ARPC2: variants seen among roughly 807,000 people sequenced by gnomAD.
ARPC2 encodes the protein actin-related protein 2/3 complex subunit 2.
ARPC2 carries 4 observed loss-of-function variants against 38.6 expected under a neutral mutation model. That is an observed-to-expected ratio of 0.10 (90% CI 0.05 to 0.24). The LOEUF is 0.24. Among genes scored for constraint, ARPC2 ranks in the 10% least tolerant of loss-of-function variants. The probability of loss-of-function intolerance (pLI) is 1.00; values close to 1 mark genes in which losing one functional copy is unlikely to be tolerated. For synonymous variants in ARPC2, 125 were observed against 140.8 expected, an observed-to-expected ratio of 0.89 and a Z score of 0.79; for missense variants, 229 against 387.3, an observed-to-expected ratio of 0.59 and a Z score of 3.43.
At chr2:218,217,828 G>A (rs748581213) in intron 2 of ARPC2, among the ~76,000 whole-genome samples, 3 of 152,210 alleles carry the variant, frequency 2.0e-5, no homozygotes, top group Admixed American at 6.5e-5. Flanking sequence ...CCCTGGAGCC[G>A]GAACTCGCTC....
intron 7 of ARPC2, among the ~76,000 whole-genome samples, chr2:218,241,637 C>T (rs986450200): frequency 2.0e-5 from 3 of 152,222 alleles, no homozygotes; most frequent in African/African-American, 4.8e-5. Context: ...TTAAACAGAT[C>T]TTATCTTGGA....
At chr2:218,233,499 G>C (rs1689691259) in intron 4 of ARPC2, 1 of 151,936 alleles carries the variant, frequency 6.6e-6, no homozygotes, top group South Asian at 2.1e-4. Flanking sequence ...GCCAGCAGTA[G>C]GTTCTGGTTT....
chr2:218,231,147 T>G (rs939296446), intron 4 of ARPC2, among the ~76,000 whole-genome samples: 1 of 152,110 alleles, frequency 6.6e-6, no homozygotes, highest in Admixed American at 6.5e-5. Flanking sequence ...ACAGGCCATT[T>G]TTAAAGGTGG....
chr2:218,232,769 G>A (rs557418721), intron 4 of ARPC2, among the ~76,000 whole-genome samples: 5 of 151,930 alleles, frequency 3.3e-5, no homozygotes, highest in African/African-American at 1.2e-4. Flanking sequence ...GTAGACATGG[G>A]GTTTCACTGT....
chr2:218,232,692 C>CAGTA (rs1689667008), intron 4 of ARPC2, among the ~76,000 whole-genome samples: 1 of 151,906 alleles, frequency 6.6e-6, no homozygotes, highest in African/African-American at 2.4e-5. Flanking sequence ...GCCTCAGCCT[C>CAGTA]CCAAGTAGCT....
Position 218,250,701 on chromosome 2 carries a change from G to A in ARPC2, c.878+780G>A, listed in dbSNP as rs376580936. Among the ~76,000 whole-genome samples, 17 of 151,792 alleles carry A rather than the reference G, an allele frequency of 1.1e-4. No homozygotes were observed. In the East Asian group the frequency reaches 2.7e-3, roughly 24 times the overall value. On this transcript the variant is annotated intron_variant, in intron 10 of 10. Coordinates refer to ENST00000315717, the MANE Select transcript of ARPC2 (RefSeq NM_152862.3). ...AAAAATTTGAGGAGAGCCCTAAATA[G>A]GGGTGTGGCTCTGCATGCAGGAAAG...
At chr2:218,223,410 A>G (rs1175284438) in intron 2 of ARPC2, among the ~76,000 whole-genome samples, 7 of 152,086 alleles carry the variant, frequency 4.6e-5, no homozygotes, top group Non-Finnish European at 1.5e-5. Context: ...GCTCCAAAGT[A>G]CAGGAGTAAT....
intron 7 of ARPC2, among the ~76,000 whole-genome samples, chr2:218,240,018 G>A (rs563882516): frequency 3.9e-5 from 6 of 152,026 alleles, no homozygotes; most frequent in South Asian, 2.1e-4. Flanking sequence ...GTAGTGGCAC[G>A]AACTCAGCTC....
intron 8 of ARPC2, among the ~76,000 whole-genome samples, chr2:218,248,131 C>A (rs901567047): frequency 3.3e-5 from 5 of 152,020 alleles, no homozygotes; most frequent in African/African-American, 1.2e-4. Context: ...ATGCATCTTA[C>A]AATTCATAGC....
intron 8 of ARPC2, among the ~76,000 whole-genome samples, chr2:218,248,610 G>A (rs1214217259): frequency 3.3e-5 from 5 of 152,188 alleles, no homozygotes; most frequent in Non-Finnish European, 5.9e-5. Flanking sequence ...ACAGGCACAC[G>A]CCATCACATG....
At chr2:218,240,657 C>A (rs550454033) in intron 7 of ARPC2, among the ~76,000 whole-genome samples, 59 of 152,020 alleles carry the variant, frequency 3.9e-4, no homozygotes, top group African/African-American at 1.3e-3. Flanking sequence ...TGTGGGAGGC[C>A]GAGGTGGGCG....
chr2:218,246,382 T>G (rs115169599), intron 8 of ARPC2, among the ~76,000 whole-genome samples: 1 of 151,144 alleles, frequency 6.6e-6, no homozygotes, highest in Non-Finnish European at 1.5e-5. Context: ...ACAAAGAAAT[T>G]AGCTGGGCGT....
At chr2:218,226,120 C>A (rs1350908980) in intron 3 of ARPC2, among the ~76,000 whole-genome samples, 166 bp downstream of exon 3, 1 of 151,866 alleles carries the variant, frequency 6.6e-6, no homozygotes, top group Non-Finnish European at 1.5e-5. Context: ...CATGGTGAAA[C>A]CCCCTCTACT....
At chr2:218,249,971 G>T in intron 10 of ARPC2, 50 bp downstream of exon 10, 3 of 1,481,346 alleles carry the variant, frequency 2.0e-6, no homozygotes, top group South Asian at 1.2e-5. Flanking sequence ...GAGTCACCGA[G>T]AAGGAAGCAG....
At chr2:218,226,706 A>G (rs1213030030) in intron 3 of ARPC2, among the ~76,000 whole-genome samples, 1 of 150,772 alleles carries the variant, frequency 6.6e-6, no homozygotes, top group African/African-American at 2.4e-5. Flanking sequence ...TTTATAATAG[A>G]TGACCATTTC....
chr2:218,243,813 A>T (rs961515750), intron 7 of ARPC2, among the ~76,000 whole-genome samples: 12 of 152,250 alleles, frequency 7.9e-5, no homozygotes, highest in Non-Finnish European at 1.8e-4. Context: ...CCAGAAACGT[A>T]TCGTTGACCG....
At chr2:218,253,063 GCAGAAGCCAGGA>G in intron 10 of ARPC2, 1 of 448,822 alleles carries the variant, frequency 2.2e-6, no homozygotes, top group Non-Finnish European at 4.5e-6. Context: ...TCAGCTGTGG[GCAGAAGCCAGGA>G]ACCCTCGATG....
chr2:218,223,453 C>T (rs1689428615), intron 2 of ARPC2, among the ~76,000 whole-genome samples: 1 of 152,140 alleles, frequency 6.6e-6, no homozygotes, highest in South Asian at 2.1e-4. Context: ...CAAAGAGAAC[C>T]CATGAAGTGA....
At chr2:218,226,935 G>A (rs1171427337) in intron 3 of ARPC2, 2 of 453,344 alleles carry the variant, frequency 4.4e-6, no homozygotes, top group Non-Finnish European at 8.9e-6. Flanking sequence ...AAGTCAGAGA[G>A]AGATGTTGCT....
Sources: allele counts gnomAD v4.1 joint callset (sites outside exome capture counted in the v4.1 genomes callset), GRCh38; gene constraint gnomAD v4.1.1; transcripts MANE v1.5; gene names NCBI Gene and HGNC (gene_info 2026-07-23, HGNC 2026-07-21).